PMEPA1: variants seen among roughly 807,000 people sequenced by gnomAD.
PMEPA1 encodes protein TMEPAI.
A neutral mutation model predicts 23.0 loss-of-function variants in PMEPA1; 11 were observed. The observed-to-expected ratio is 0.48, with a 90% CI of 0.30 to 0.79. The LOEUF (loss-of-function observed/expected upper bound fraction) is 0.79, where lower values mean the gene tolerates loss of function less well. PMEPA1 is among the 30% of genes least tolerant of loss of function. The pLI is 0.06. For missense variants in PMEPA1, 377 were observed against 390.9 expected, an observed-to-expected ratio of 0.96 and a Z score of 0.30; for synonymous variants, 204 against 166.4, an observed-to-expected ratio of 1.23 and a Z score of -1.74.
At chr20:57,671,233 G>A (rs575374942) in intron 1 of PMEPA1, among the ~76,000 whole-genome samples, 77 of 152,274 alleles carry the variant, frequency 5.1e-4, no homozygotes, top group Non-Finnish European at 1.0e-3. Context: ...TTGGCAGAAC[G>A]GAGTGAACTC....
chr20:57,689,125 G>A (rs991418332), intron 1 of PMEPA1, among the ~76,000 whole-genome samples: 9 of 152,236 alleles, frequency 5.9e-5, no homozygotes, highest in African/African-American at 1.7e-4. Flanking sequence ...TTCTGTTTGG[G>A]AGCTGCCTCT....
Position 57,652,998 on chromosome 20 carries a change from G to A in PMEPA1, c.318+35C>T, listed in dbSNP as rs1238929628. The A allele has an allele frequency of 7.1e-6, 11 of 1,558,746 alleles. No homozygotes were observed. Among genetic ancestry groups the A allele is most frequent in the Non-Finnish European group, 9.6e-6 (11 of 1,142,560 alleles). Reference sequence around the variant, plus strand: ...CAGCGGGAGCAGCCCAGGGTGGGATGGGGGTGTTGGAGGGGAGGCCGAGGG... The same window carrying A: ...CAGCGGGAGCAGCCCAGGGTGGGATAGGGGTGTTGGAGGGGAGGCCGAGGG... On this transcript the variant is annotated intron_variant, in intron 3 of 3. Coordinates refer to ENST00000341744, the MANE Select transcript of PMEPA1 (RefSeq NM_020182.5). The surrounding 1 kb of genome is among the most constrained non-coding windows in gnomAD (Gnocchi z 6.1).
intron 1 of PMEPA1, among the ~76,000 whole-genome samples, chr20:57,680,158 C>A (rs1265405024): frequency 3.3e-5 from 5 of 152,210 alleles, no homozygotes; most frequent in Non-Finnish European, 7.3e-5. Context: ...CACTCAGACA[C>A]ACCAGCGGGG....
At position 57,682,149 on chromosome 20, in the gene PMEPA1, G is replaced by A. The variant is rs2071725868; in HGVS notation, c.110-22452C>T. ...CCTACTGGATAAATGAACAGAAGATGGGTGATTCGCCCAAATACCGGGTCT... is the reference window on the plus strand; with the variant it reads ...CCTACTGGATAAATGAACAGAAGATAGGTGATTCGCCCAAATACCGGGTCT... On this transcript the variant is annotated intron_variant, in intron 1 of 3. Transcript: ENST00000341744. This position sits in a 1 kb window ranked among gnomAD's most constrained non-coding sequence, Gnocchi z 4.4. Among the ~76,000 whole-genome samples the A allele has an allele frequency of 6.6e-6, 1 of 152,214 alleles. No individual in the cohort carries two copies.
intron 1 of PMEPA1, among the ~76,000 whole-genome samples, 180 bp downstream of exon 1, chr20:57,709,294 G>A (rs1380317290): frequency 6.8e-6 from 1 of 146,796 alleles, no homozygotes; most frequent in Non-Finnish European, 1.5e-5. Context: ...GACAAAGCCG[G>A]GCCGGCCGCC....
chr20:57,689,839 C>A (rs561653074), intron 1 of PMEPA1, among the ~76,000 whole-genome samples: 3 of 152,164 alleles, frequency 2.0e-5, no homozygotes, highest in Non-Finnish European at 2.9e-5. Context: ...ACCACAGAAG[C>A]CTTTGATTGT....
upstream of PMEPA1, chr20:57,711,091 G>C (rs1180632587): frequency 6.6e-6 from 1 of 152,220 alleles, no homozygotes; most frequent in Admixed American, 6.5e-5. Context: ...GGTGGAGCCT[G>C]TGTGCCAACC....
Position 57,682,304 on chromosome 20 carries a change from G to A in PMEPA1, c.110-22607C>T, listed in dbSNP as rs77872751. On this transcript the variant is annotated intron_variant, in intron 1 of 3. Coordinates refer to ENST00000341744, the MANE Select transcript of PMEPA1 (RefSeq NM_020182.5). The surrounding 1 kb of genome is among the most constrained non-coding windows in gnomAD (Gnocchi z 4.4). ...AGTGTGAATGGTGCTCAGAGCGGGG[G>A]ACCAGCTCCACCAGCGGTTCCCTGT... is the stretch of plus-strand genomic sequence containing the variant. Among the ~76,000 whole-genome samples, 357 of 152,330 alleles carry A rather than the reference G, an allele frequency of 2.3e-3. No individual in the cohort carries two copies. The highest frequency in any genetic ancestry group is 8.0e-3 in the African/African-American group (334 of 41,572).
At chr20:57,654,723 T>C (rs1404078644) in intron 2 of PMEPA1, among the ~76,000 whole-genome samples, 1 of 152,186 alleles carries the variant, frequency 6.6e-6, no homozygotes, top group Non-Finnish European at 1.5e-5. Context: ...CAAAGTCCTA[T>C]GGAACCAGGG....
At chr20:57,685,804 C>T (rs1291095933) in intron 1 of PMEPA1, among the ~76,000 whole-genome samples, 2 of 152,060 alleles carry the variant, frequency 1.3e-5, no homozygotes, top group South Asian at 2.1e-4. Context: ...TTAAAGGGGG[C>T]GTGTGGCAAA....
At chr20:57,670,907 G>GC (rs927680602) in intron 1 of PMEPA1, among the ~76,000 whole-genome samples, 1 of 150,872 alleles carries the variant, frequency 6.6e-6, no homozygotes, top group African/African-American at 2.4e-5. Context: ...CTTCCCCACC[G>GC]CCCCCCCAAC....
rs558823144 is a variant in PMEPA1, at chr20:57,663,576, G to A, written c.110-3879C>T. Among the ~76,000 whole-genome samples, 70 of 152,348 alleles carry A rather than the reference G, an allele frequency of 4.6e-4. 1 individual carries two copies. The highest frequency in any genetic ancestry group is 1.5e-3 in the African/African-American group (64 of 41,596). The stretch of plus-strand genomic sequence containing the variant: ...GCCCAAACCCATCCACCCTCAAAGA[G>A]ACATGACCTGCTCTGGAATCGCAGA... On this transcript the variant is annotated intron_variant, in intron 1 of 3. Coordinates refer to ENST00000341744, the MANE Select transcript of PMEPA1 (RefSeq NM_020182.5).
intron 1 of PMEPA1, chr20:57,690,649 TCTC>T (rs1256210360): frequency 1.9e-6 from 2 of 1,069,560 alleles, no homozygotes; most frequent in South Asian, 1.6e-5. Context: ...AGCCTGCGCT[TCTC>T]CTGCTTGGGC....
intron 3 of PMEPA1, 27 bp downstream of exon 3, chr20:57,653,006 T>C: frequency 1.9e-6 from 3 of 1,580,192 alleles, no homozygotes; most frequent in Non-Finnish European, 2.6e-6. Context: ...ATGGGGGTGT[T>C]GGAGGGGAGG....
At chr20:57,674,433 A>C (rs2071609259) in intron 1 of PMEPA1, among the ~76,000 whole-genome samples, 1 of 152,248 alleles carries the variant, frequency 6.6e-6, no homozygotes, top group African/African-American at 2.4e-5. Flanking sequence ...TCTACTGTCT[A>C]AGCCACACAG....
At position 57,673,645 on chromosome 20, in the gene PMEPA1, A is replaced by C. The variant is rs139245592; in HGVS notation, c.110-13948T>G. Reference sequence around the variant, plus strand: ...GTGGTGTCAAGCACAGGCCACCACCACGTGGGACTCCCAGCTACAAGGAAA... The same window carrying C: ...GTGGTGTCAAGCACAGGCCACCACCCCGTGGGACTCCCAGCTACAAGGAAA... On this transcript the variant is annotated intron_variant, in intron 1 of 3. Transcript: ENST00000341744. Among the ~76,000 whole-genome samples, 309 of 152,302 alleles carry C rather than the reference A, an allele frequency of 2.0e-3. 1 individual carries two copies. The highest frequency in any genetic ancestry group is 6.9e-3 in the African/African-American group (286 of 41,568).
In PMEPA1 at chr20:57,690,570, T is replaced by C. The variant is rs567186395; in HGVS notation, c.109+18904A>G. 5.6e-5 allele frequency: 71 copies of C among 1,266,544 alleles called. No homozygotes were observed. In the South Asian group the frequency reaches 6.6e-4, roughly 12 times the overall value. 78.5% of individuals were successfully genotyped at this position (1,266,544 alleles called of 1,614,324 possible). A position where few individuals can be genotyped will look rare whatever the true frequency, so the allele number is the denominator to read the frequency against. On this transcript the variant is annotated intron_variant, in intron 1 of 3. Coordinates refer to ENST00000341744, the MANE Select transcript of PMEPA1 (RefSeq NM_020182.5). ...ACTGTAGCAGGAGGCGGGGTCTCCA[T>C]TGCTATGGCGGGTGTAGAGGGTCAT... is the stretch of plus-strand genomic sequence containing the variant.
chr20:57,674,310 C>T lies in PMEPA1; in HGVS notation c.110-14613G>A, dbSNP rs57982045. On this transcript the variant is annotated intron_variant, in intron 1 of 3. Coordinates refer to ENST00000341744, the MANE Select transcript of PMEPA1 (RefSeq NM_020182.5). ...GCACCAAGGAACGGCCATGTGAGGACGCAGCCAGGAGGTGGCCATCTACAA... is the reference window on the plus strand; with the variant it reads ...GCACCAAGGAACGGCCATGTGAGGATGCAGCCAGGAGGTGGCCATCTACAA... 3.7e-3 allele frequency among the ~76,000 whole-genome samples: 568 copies of T among 152,314 alleles called. 2 individuals are homozygous for T. Among genetic ancestry groups the T allele is most frequent in the African/African-American group, 0.012 (481 of 41,560 alleles).
At chr20:57,671,876 CCT>C (rs1043578219) in intron 1 of PMEPA1, among the ~76,000 whole-genome samples, 2 of 152,364 alleles carry the variant, frequency 1.3e-5, no homozygotes, top group East Asian at 1.9e-4. Context: ...CCAAACGCCC[CCT>C]GTGGGGCAAG....
Sources: allele counts gnomAD v4.1 joint callset (sites outside exome capture counted in the v4.1 genomes callset), GRCh38; gene constraint gnomAD v4.1.1; non-coding constraint Gnocchi (gnomAD v3.1); transcripts MANE v1.5; gene names NCBI Gene and HGNC (gene_info 2026-07-23, HGNC 2026-07-21).